The following GRB7 variants were observed in gnomAD, a reference collection of about 807,000 sequenced individuals.
GRB7 encodes growth factor receptor-bound protein 7.
GRB7 carries 47 observed loss-of-function variants against 64.1 expected under a neutral mutation model. The ratio of observed to expected loss-of-function variants is 0.73; its 90% CI spans 0.58 to 0.94. The LOEUF (loss-of-function observed/expected upper bound fraction) is 0.94. Among genes scored for constraint, GRB7 ranks in the 40% least tolerant of loss-of-function variants. GRB7 has a pLI of 0.00. For missense variants in GRB7, 634 were observed against 718.4 expected (o/e 0.88, Z 1.34); for synonymous variants, 277 against 279.9 (o/e 0.99, Z 0.10).
chr17:39,741,498 G>A lies in GRB7; in HGVS notation c.-50-754G>A, dbSNP rs1346811218. Among the ~76,000 whole-genome samples, 17 of 152,326 alleles carry A rather than the reference G, an allele frequency of 1.1e-4. No individual in the cohort carries two copies. In the East Asian group the frequency reaches 1.4e-3, roughly 12 times the overall value. On this transcript the variant is annotated intron_variant, in intron 1 of 14. Coordinates refer to ENST00000309156, the MANE Select transcript of GRB7 (RefSeq NM_005310.5). The stretch of plus-strand genomic sequence containing the variant: ...TCATCACTTGGGCAGGCCAAACCTC[G>A]CCAAGTATGAACAGGCTCTGGCAAC...
At chr17:39,744,025 GA>G in intron 6 of GRB7, 44 bp from the exon 7 acceptor site, 1 of 1,604,856 alleles carries the variant, frequency 6.2e-7, no homozygotes, top group Non-Finnish European at 8.5e-7. Flanking sequence ...GAGGGGAAGG[GA>G]GGAGGTCAGA....
intron 1 of GRB7, chr17:39,740,020 A>C: frequency 1.0e-6 from 1 of 985,332 alleles, no homozygotes; most frequent in African/African-American, 1.7e-5. Flanking sequence ...CCAGGCTCTA[A>C]TGTGATTTGA....
At chr17:39,741,588 G>A (rs917197165) in intron 1 of GRB7, among the ~76,000 whole-genome samples, 5 of 152,252 alleles carry the variant, frequency 3.3e-5, no homozygotes, top group African/African-American at 4.8e-5. Flanking sequence ...TGCCCCACAC[G>A]TGGAGGCAAA....
intron 1 of GRB7, chr17:39,740,124 C>T: frequency 1.0e-6 from 1 of 985,498 alleles, no homozygotes; most frequent in Non-Finnish European, 1.2e-6. Context: ...GCAGGCGTGG[C>T]CCCCTGCAGC....
rs1567928803 is a variant in GRB7 at position 39,744,676 on chromosome 17, C to T, written c.912+13C>T. 6.3e-6 allele frequency: 10 copies of T among 1,583,614 alleles called. No homozygotes were observed. Among genetic ancestry groups the T allele is most frequent in the Non-Finnish European group, 8.6e-6 (10 of 1,163,174 alleles). ...TTTCTGTGTCAAGGTGAAGACCTGG[C>T]CAGGCCTGGCCCCTGGCCTGGGGAA... On this transcript the variant is annotated intron_variant, in intron 8 of 14. Transcript: ENST00000309156.
At position 39,744,472 on chromosome 17, in the gene GRB7, A is replaced by G. The variant is rs1053688950; in HGVS notation, c.802-81A>G. 18 of 1,189,384 alleles carry G rather than the reference A, an allele frequency of 1.5e-5. No individual in the cohort carries two copies. In the African/African-American group the frequency reaches 2.4e-4, roughly 16 times the overall value. 73.7% of individuals were successfully genotyped at this position (1,189,384 alleles called of 1,614,324 possible). A position where few individuals can be genotyped will look rare whatever the true frequency, so the allele number is the denominator to read the frequency against. On this transcript the variant is annotated intron_variant, in intron 7 of 14. Transcript: ENST00000309156. ...TCCCCTGCCCCTCTCTGGTCCTGAA[A>G]TCTCCCCACCTGGCTTGTGGGGGGA...
At chr17:39,738,810 T>C (rs1475225486) in intron 1 of GRB7, 22 of 1,189,838 alleles carry the variant, frequency 1.8e-5, no homozygotes, top group Non-Finnish European at 2.5e-5. Context: ...CCCCTCCACT[T>C]TGGAGGGCAG....
At chr17:39,739,736 A>G (rs2059979523) in intron 1 of GRB7, among the ~76,000 whole-genome samples, 1 of 152,162 alleles carries the variant, frequency 6.6e-6, no homozygotes, top group South Asian at 2.1e-4. Context: ...CTGGGGGAGG[A>G]GGCAGCTGGG....
In GRB7 at chr17:39,742,708, C is replaced by A. The variant is rs745576131; in HGVS notation, c.298C>A (p.Arg100Ser). 1 of 1,559,962 alleles carries A rather than the reference C, an allele frequency of 6.4e-7. No homozygotes were observed. Among genetic ancestry groups the A allele is most frequent in the South Asian group, 1.2e-5 (1 of 83,440 alleles). Reference protein sequence around the residue: ...ARGLLPRDASRPHVVKVYSED... With the variant: ...ARGLLPRDASSPHVVKVYSED... ...GGGGCTGCTCCCCCGCGATGCCAGC[C>A]GCCCCCATGTGAGTTGTCCCTCAGA... is the stretch of plus-strand genomic sequence containing the variant. The change falls in exon 3 of 15, where the codon CGC (arginine) becomes AGC (serine). Residue 100 changes from arginine to serine, a missense_variant. This residue lies in a region of GRB7 where 167 missense variants were observed against 141.9 expected (regional missense o/e 1.18). Transcript: ENST00000309156.
chr17:39,742,327 A>C lies in GRB7; in HGVS notation c.26A>C (p.His9Pro). The change falls in exon 2 of 15, where the codon CAT becomes CCT. Residue 9 changes from histidine to proline, a missense_variant. By Grantham distance (77) the His-to-Pro change is moderately conservative. Around this residue, in one of 2 missense-constraint regions of GRB7, gnomAD observed 167 missense variants for 141.9 expected, o/e 1.18. Transcript: ENST00000309156. MELDLSPP[H>P]LSSSPEDLCP... ...ATGGAGCTGGATCTGTCTCCACCTC[A>C]TCTTAGCAGCTCTCCGGAAGACCTT... 6.2e-7 allele frequency: 1 copy of C among 1,614,068 alleles called. No individual in the cohort carries two copies.
In GRB7 at chr17:39,745,237, C is replaced by G; in HGVS notation, c.1012-6C>G. ...CCTCAAGCTCTCTTTCTCTCCCCAC[C>G]CCCAGTACGGGGTGCAGCTGTACAA... On this transcript the variant is annotated splice_polypyrimidine_tract_variant and splice_region_variant and intron_variant, in intron 9 of 14. Transcript: ENST00000309156. The G allele has an allele frequency of 6.3e-7, 1 of 1,594,186 alleles. No homozygotes were observed. Among genetic ancestry groups the G allele is most frequent in the South Asian group, 1.1e-5 (1 of 87,906 alleles).
chr17:39,740,095 G>C (rs1018358772), intron 1 of GRB7: 2 of 985,486 alleles, frequency 2.0e-6, no homozygotes, highest in African/African-American at 3.5e-5. Flanking sequence ...CCACCCCACT[G>C]TTGGTCTGTG....
rs1175971727 is a variant in GRB7, at chr17:39,747,280, G to T, written c.*383G>T. The T allele has an allele frequency of 5.3e-6, 1 of 189,066 alleles. No individual in the cohort carries two copies. The highest frequency in any genetic ancestry group is 2.3e-5 in the African/African-American group (1 of 42,898). The allele number at this position is 189,066 out of a possible 1,614,324, so 11.7% of individuals were successfully genotyped here. A position where few individuals can be genotyped will look rare whatever the true frequency, so the allele number is the denominator to read the frequency against. On this transcript the variant is annotated 3_prime_UTR_variant, in exon 15 of 15. Coordinates refer to ENST00000309156, the MANE Select transcript of GRB7 (RefSeq NM_005310.5). ...CTAGTGACAATAAAGATTATTTTTTGATACACCTATGAGTTCTGTCTGGCA... is the reference window on the plus strand; with the variant it reads ...CTAGTGACAATAAAGATTATTTTTTTATACACCTATGAGTTCTGTCTGGCA...
At position 39,747,066 on chromosome 17, in the gene GRB7, G is replaced by A; in HGVS notation, c.*169G>A. On this transcript the variant is annotated 3_prime_UTR_variant, in exon 15 of 15. Transcript: ENST00000309156. The stretch of plus-strand genomic sequence containing the variant: ...CTTTGCCTCCCTCAGATAGAAAACA[G>A]CCCCCACTCCAGTCCACTCCTGACC... The A allele has an allele frequency of 1.4e-6, 1 of 712,168 alleles. No homozygotes were observed. Among genetic ancestry groups the A allele is most frequent in the South Asian group, 1.9e-5 (1 of 52,418 alleles). 44.1% of individuals were successfully genotyped at this position (712,168 alleles called of 1,614,324 possible). A position where few individuals can be genotyped will look rare whatever the true frequency, so the allele number is the denominator to read the frequency against.
Position 39,746,738 on chromosome 17 carries a change from T to G in GRB7, c.1453-13T>G. The G allele has an allele frequency of 6.2e-7, 1 of 1,613,378 alleles. No individual in the cohort carries two copies. The highest frequency in any genetic ancestry group is 8.5e-7 in the Non-Finnish European group (1 of 1,179,662). ...CCCCTCCCTGAACTTCCACCCCCTT[T>G]ACTGTACCCCAGAGCGAGGAGGAGG... On this transcript the variant is annotated splice_polypyrimidine_tract_variant and intron_variant, in intron 14 of 14. Coordinates refer to ENST00000309156, the MANE Select transcript of GRB7 (RefSeq NM_005310.5).
intron 1 of GRB7, chr17:39,739,029 G>T: frequency 2.0e-6 from 2 of 997,778 alleles, no homozygotes; most frequent in African/African-American, 1.6e-5. Context: ...GTGGGGTGGG[G>T]GATAGCAGAT....
intron 1 of GRB7, among the ~76,000 whole-genome samples, chr17:39,739,194 T>C (rs1597901146): frequency 1.0e-5 from 1 of 97,748 alleles, no homozygotes; most frequent in Non-Finnish European, 2.0e-5. Flanking sequence ...AGGAATGCCC[T>C]CTTTTGGTCC....
intron 6 of GRB7, 114 bp from the exon 7 acceptor site, chr17:39,743,956 G>A (rs771445047): frequency 2.3e-5 from 31 of 1,333,248 alleles, no homozygotes; most frequent in Middle Eastern, 4.3e-4. Context: ...TCGTGCCACC[G>A]CACTAGCATG....
chr17:39,746,477 C>T (rs1451974523), intron 14 of GRB7, among the ~76,000 whole-genome samples: 5 of 152,012 alleles, frequency 3.3e-5, no homozygotes, highest in African/African-American at 1.2e-4. Context: ...ATGAGCCAGG[C>T]ATGGTGGTGC....
Sources: gnomAD v4.1 joint callset for allele counts (sites outside exome capture counted in the v4.1 genomes callset) on GRCh38, gnomAD v4.1.1 for gene constraint, gnomAD v4.1.1 regional missense constraint, MANE v1.5 for transcripts, NCBI Gene and HGNC (gene_info 2026-07-23, HGNC 2026-07-21) for gene names.